Variants in CLIC4 observed in about 807,000 individuals in gnomAD.
CLIC4 encodes CLIC family member 4.
CLIC4 carries 13 observed loss-of-function variants against 24.6 expected under a neutral mutation model. That is an observed-to-expected ratio of 0.53 (90% CI 0.34 to 0.84). The LOEUF (loss-of-function observed/expected upper bound fraction) is 0.84. Among genes scored for constraint, CLIC4 ranks in the 40% least tolerant of loss-of-function variants. The pLI, the probability that CLIC4 is intolerant of heterozygous loss-of-function variation, is 0.01. For synonymous variants in CLIC4, 104 were observed against 111.3 expected, an observed-to-expected ratio of 0.93 and a Z score of 0.41; for missense variants, 227 against 301.7, an observed-to-expected ratio of 0.75 and a Z score of 1.83.
At position 24,776,954 on chromosome 1, in the gene CLIC4, G is replaced by A. The variant is rs1023085579; in HGVS notation, c.73-20788G>A. On this transcript the variant is annotated intron_variant, in intron 1 of 5. Coordinates refer to ENST00000374379, the MANE Select transcript of CLIC4 (RefSeq NM_013943.3). ...ATGCTGGGTTTAACTGCCAATTAAT[G>A]TCAACATTCTGAATATAAATTCAGT... Among the ~76,000 whole-genome samples, 3 of 152,186 alleles carry A rather than the reference G, an allele frequency of 2.0e-5. No homozygotes were observed. In the South Asian group the frequency reaches 6.2e-4, roughly 31 times the overall value.
chr1:24,800,447 G>A (rs1383101854), intron 2 of CLIC4, among the ~76,000 whole-genome samples: 2 of 149,068 alleles, frequency 1.3e-5, no homozygotes, highest in Non-Finnish European at 3.0e-5. Context: ...GAGGTGGAGG[G>A]GTCAGCCCCC....
intron 3 of CLIC4, among the ~76,000 whole-genome samples, chr1:24,821,309 C>T (rs183940589): frequency 7.2e-5 from 11 of 152,254 alleles, no homozygotes; most frequent in Non-Finnish European, 1.2e-4. Context: ...GCATCTAATG[C>T]TCTGTAAGAC....
chr1:24,745,682 G>GGGGAGCGGCGTCCCGGGGCTCTCC, intron 1 of CLIC4, 57 bp downstream of exon 1: 1 of 1,439,272 alleles, frequency 6.9e-7, no homozygotes, highest in South Asian at 1.3e-5. Context: ...TCCCGGCTGC[G>GGGGAGCGGCGTCCCGGGGCTCTCC]GGGAGCGGCG....
At chr1:24,809,280 A>C (rs1639588377) in intron 2 of CLIC4, among the ~76,000 whole-genome samples, 1 of 152,150 alleles carries the variant, frequency 6.6e-6, no homozygotes, top group Admixed American at 6.6e-5. Context: ...TAATTAAATA[A>C]ATCTTTGTTT....
At chr1:24,778,270 T>A (rs1041658630) in intron 1 of CLIC4, among the ~76,000 whole-genome samples, 1 of 152,200 alleles carries the variant, frequency 6.6e-6, no homozygotes, top group Non-Finnish European at 1.5e-5. Flanking sequence ...ATTGAGCTTC[T>A]CTGAACCTCA....
chr1:24,818,277 G>GT (rs1037221356), intron 3 of CLIC4, among the ~76,000 whole-genome samples: 15 of 150,884 alleles, frequency 9.9e-5, no homozygotes, highest in Non-Finnish European at 1.6e-4. Flanking sequence ...ACTCAATTTG[G>GT]TTTTTTTTTG....
chr1:24,817,631 T>C (rs1266751221), intron 3 of CLIC4, among the ~76,000 whole-genome samples: 1 of 152,240 alleles, frequency 6.6e-6, no homozygotes, highest in Non-Finnish European at 1.5e-5. Context: ...ATAGCACTAT[T>C]AAATTTCCTT....
At chr1:24,790,420 A>G (rs1639319631) in intron 1 of CLIC4, among the ~76,000 whole-genome samples, 1 of 152,234 alleles carries the variant, frequency 6.6e-6, no homozygotes, top group Admixed American at 6.5e-5. Flanking sequence ...GATTTTAAGG[A>G]AAAGAAAAAT....
At chr1:24,816,212 C>T (rs920527034) in intron 3 of CLIC4, among the ~76,000 whole-genome samples, 2 of 150,978 alleles carry the variant, frequency 1.3e-5, no homozygotes, top group African/African-American at 4.9e-5. Context: ...TTGACCTCCT[C>T]CCATGAATCA....
intron 2 of CLIC4, among the ~76,000 whole-genome samples, chr1:24,800,552 C>A (rs1481253463): frequency 6.6e-6 from 1 of 152,214 alleles, no homozygotes; most frequent in Admixed American, 6.5e-5. Flanking sequence ...GCCACCACCC[C>A]GTCTGGGAGG....
chr1:24,836,982 CTG>C (rs774318845), intron 4 of CLIC4, among the ~76,000 whole-genome samples: 28 of 152,102 alleles, frequency 1.8e-4, no homozygotes, highest in Non-Finnish European at 3.7e-4. Flanking sequence ...ATGGCTAAAA[CTG>C]TGCTTAGAGG....
chr1:24,820,140 C>T (rs1639714782), intron 3 of CLIC4, among the ~76,000 whole-genome samples: 2 of 132,126 alleles, frequency 1.5e-5, no homozygotes, highest in Non-Finnish European at 3.2e-5. Flanking sequence ...TGCAGTGTTG[C>T]TGTCCTGGCT....
intron 2 of CLIC4, among the ~76,000 whole-genome samples, chr1:24,800,874 C>A (rs1033579809): frequency 1.4e-5 from 2 of 147,886 alleles, no homozygotes; most frequent in South Asian, 2.2e-4. Context: ...GCAGCATGCT[C>A]GTTAAGAGTC....
chr1:24,820,046 T>TA lies in CLIC4; in HGVS notation c.308+5827_308+5828insA, dbSNP rs1557812236. 7.3e-4 allele frequency among the ~76,000 whole-genome samples: 54 copies of TA among 73,548 alleles called. 1 individual carries two copies. The highest frequency in any genetic ancestry group is 1.3e-3 in the Non-Finnish European group (45 of 35,066). 48.3% of individuals were successfully genotyped at this position (73,548 alleles called of 152,430 possible). ...ATGAGCTACCGCGCCCAGCCATACT[T>TA]CAAAAAAAAAAAAAAAGTATGTATA... On this transcript the variant is annotated intron_variant, in intron 3 of 5. Transcript: ENST00000374379.
chr1:24,841,210 G>A lies in CLIC4; in HGVS notation c.*273G>A, dbSNP rs1305220075. The A allele has an allele frequency of 4.3e-6, 1 of 234,188 alleles. No homozygotes were observed. The highest frequency in any genetic ancestry group is 8.2e-6 in the Non-Finnish European group (1 of 121,434). 14.5% of individuals were successfully genotyped at this position (234,188 alleles called of 1,614,324 possible). A position where few individuals can be genotyped will look rare whatever the true frequency, so the allele number is the denominator to read the frequency against. ...TCCACCACAAACTTTTCACTTTAGA[G>A]GTAGCTTGCCATCTCTCAGGAGCCC... On this transcript the variant is annotated 3_prime_UTR_variant, in exon 6 of 6. Transcript: ENST00000374379.
chr1:24,768,003 G>T (rs1035948427), intron 1 of CLIC4, among the ~76,000 whole-genome samples: 23 of 152,042 alleles, frequency 1.5e-4, no homozygotes, highest in African/African-American at 5.1e-4. Context: ...ACCACGCTTG[G>T]CTAATTTTTG....
Position 24,797,697 on chromosome 1 carries a change from A to G in CLIC4, c.73-45A>G, listed in dbSNP as rs74060435. 1.9e-4 allele frequency: 254 copies of G among 1,347,952 alleles called. 1 individual carries two copies. In the African/African-American group the frequency reaches 3.5e-3, roughly 19 times the overall value. 83.5% of individuals were successfully genotyped at this position (1,347,952 alleles called of 1,614,324 possible). A position where few individuals can be genotyped will look rare whatever the true frequency, so the allele number is the denominator to read the frequency against. On this transcript the variant is annotated intron_variant, in intron 1 of 5. Transcript: ENST00000374379. ...CAGAAAAAGTTATGTCATGTTGAGT[A>G]TCATCACTTTGACCTTGTTTTTAAT...
chr1:24,784,769 G>T (rs1005167866), intron 1 of CLIC4, among the ~76,000 whole-genome samples: 1 of 152,100 alleles, frequency 6.6e-6, no homozygotes, highest in Non-Finnish European at 1.5e-5. Flanking sequence ...ACTTTGGGAG[G>T]CCGAGGCAGG....
intron 1 of CLIC4, among the ~76,000 whole-genome samples, chr1:24,781,618 C>T (rs1432192822): frequency 6.6e-6 from 1 of 150,690 alleles, no homozygotes; most frequent in Non-Finnish European, 1.5e-5. Context: ...TCAAGGACAT[C>T]AGTGGGGAAG....
Sources: allele counts gnomAD v4.1 joint callset (sites outside exome capture counted in the v4.1 genomes callset), GRCh38; gene constraint gnomAD v4.1.1; transcripts MANE v1.5; gene names NCBI Gene and HGNC (gene_info 2026-07-23, HGNC 2026-07-21).